EPHB1: variants seen among roughly 807,000 people sequenced by gnomAD.
EPHB1 encodes the protein ephrin type-B receptor 1.
In EPHB1, 30 loss-of-function variants were observed where a neutral mutation model predicts 94.4. The observed-to-expected ratio is 0.32, with a 90% CI of 0.24 to 0.43. EPHB1 has a LOEUF of 0.43. Among genes scored for constraint, EPHB1 ranks in the 20% least tolerant of loss-of-function variants. The pLI, the probability that EPHB1 is intolerant of heterozygous loss-of-function variation, is 1.00. For synonymous variants in EPHB1, 522 were observed against 489.1 expected (o/e 1.07, Z -0.89); for missense variants, 1,055 against 1,308.3 (o/e 0.81, Z 2.99).
intron 3 of EPHB1, among the ~76,000 whole-genome samples, chr3:135,088,018 G>C (rs986090392): frequency 1.3e-5 from 2 of 152,218 alleles, no homozygotes; most frequent in African/African-American, 4.8e-5. Context: ...CTGAGAGCCA[G>C]CATATGACAT....
intron 1 of EPHB1, among the ~76,000 whole-genome samples, chr3:134,818,865 T>C (rs1032243227): frequency 6.6e-6 from 1 of 152,212 alleles, no homozygotes; most frequent in Admixed American, 6.5e-5. Context: ...TTTCAAATAA[T>C]GACTTTTCTC....
chr3:135,225,371 G>A (rs923106742), intron 12 of EPHB1, among the ~76,000 whole-genome samples: 34 of 152,186 alleles, frequency 2.2e-4, no homozygotes, highest in African/African-American at 8.0e-4. Flanking sequence ...ACAGAGCTTA[G>A]GCCCTTCCCT....
At chr3:135,002,793 T>A (rs1261294605) in intron 3 of EPHB1, among the ~76,000 whole-genome samples, 1 of 152,064 alleles carries the variant, frequency 6.6e-6, no homozygotes, top group African/African-American at 2.4e-5. Flanking sequence ...TTCTGTGGGA[T>A]CAGTGGTGAT....
At chr3:135,128,536 T>G (rs1313495839) in intron 4 of EPHB1, among the ~76,000 whole-genome samples, 1 of 152,208 alleles carries the variant, frequency 6.6e-6, no homozygotes, top group Non-Finnish European at 1.5e-5. Flanking sequence ...CATGAGGCCC[T>G]GGCTTGCCAG....
chr3:135,193,888 G>A (rs1471259222), intron 11 of EPHB1, among the ~76,000 whole-genome samples: 1 of 152,182 alleles, frequency 6.6e-6, no homozygotes, highest in Non-Finnish European at 1.5e-5. Flanking sequence ...CTGCAATTTG[G>A]GCCAGGTTTG....
intron 3 of EPHB1, among the ~76,000 whole-genome samples, chr3:135,103,698 C>A (rs1039124979): frequency 5.9e-5 from 9 of 152,182 alleles, no homozygotes; most frequent in African/African-American, 2.2e-4. Context: ...GAATTGAACT[C>A]AGGACTGTCT....
At chr3:135,142,038 G>T (rs988874502) in intron 5 of EPHB1, among the ~76,000 whole-genome samples, 1 of 152,226 alleles carries the variant, frequency 6.6e-6, no homozygotes. Flanking sequence ...CAGAAGACAG[G>T]TTCGATTCTG....
intron 3 of EPHB1, among the ~76,000 whole-genome samples, chr3:135,008,532 A>G (rs562481302): frequency 3.9e-5 from 6 of 152,254 alleles, no homozygotes; most frequent in Admixed American, 3.9e-4. Flanking sequence ...CAGCCAGCAC[A>G]CTCTTTGAAA....
At chr3:135,182,968 C>CTCTTT (rs1553745445) in intron 10 of EPHB1, among the ~76,000 whole-genome samples, 1 of 146,896 alleles carries the variant, frequency 6.8e-6, no homozygotes, top group Admixed American at 6.9e-5. Flanking sequence ...CGTTTCTTTT[C>CTCTTT]TCTTTTCTTT....
intron 3 of EPHB1, among the ~76,000 whole-genome samples, chr3:134,974,118 T>C (rs1934089450): frequency 6.6e-6 from 1 of 152,164 alleles, no homozygotes; most frequent in Non-Finnish European, 1.5e-5. Context: ...CCAGTCACAG[T>C]GGTCTCTGAC....
At position 135,024,565 on chromosome 3, in the gene EPHB1, G is replaced by A. The variant is rs560127899; in HGVS notation, c.805+72513G>A. 9.1e-4 allele frequency among the ~76,000 whole-genome samples: 139 copies of A among 152,204 alleles called. 1 individual carries two copies. Among genetic ancestry groups the A allele is most frequent in the African/African-American group, 3.3e-3 (136 of 41,532 alleles). On this transcript the variant is annotated intron_variant, in intron 3 of 15. Transcript: ENST00000398015. ...TGTCTGGGGGCTCCCTTTTCATCTG[G>A]TCTCCATCCATCCTACACCGGGGGG...
chr3:135,050,520 A>G (rs1031657091), intron 3 of EPHB1, among the ~76,000 whole-genome samples: 7 of 152,092 alleles, frequency 4.6e-5, no homozygotes, highest in African/African-American at 1.7e-4. Flanking sequence ...TTTGATTACC[A>G]GGGCCTGGTT....
rs1491307019 is a variant in EPHB1, at chr3:134,941,744, TGC to T, written c.124-9626_124-9625del. On this transcript the variant is annotated intron_variant, in intron 2 of 15. Transcript: ENST00000398015. ...GAGTTTTGATAGCATGCTTTACATA[TGC>T]ACACAGACACACACACACACACACA... 6.0e-3 allele frequency among the ~76,000 whole-genome samples: 698 copies of T among 116,324 alleles called. 7 individuals carry two copies. The highest frequency in any genetic ancestry group is 1.0e-2 in the Admixed American group (108 of 10,816). 76.3% of individuals were successfully genotyped at this position (116,324 alleles called of 152,430 possible).
At chr3:135,235,344 C>T (rs530578121) in intron 12 of EPHB1, among the ~76,000 whole-genome samples, 137 of 152,282 alleles carry the variant, frequency 9.0e-4, no homozygotes, top group Non-Finnish European at 1.4e-3. Context: ...GTGGGAGAAC[C>T]ACACTGGGAA....
chr3:135,063,152 T>A (rs1034130622), intron 3 of EPHB1, among the ~76,000 whole-genome samples: 1 of 152,232 alleles, frequency 6.6e-6, no homozygotes, highest in African/African-American at 2.4e-5. Flanking sequence ...TTGCTTAGTC[T>A]TGCTTTGGGT....
At chr3:135,227,977 G>A (rs897330360) in intron 12 of EPHB1, among the ~76,000 whole-genome samples, 9 of 151,868 alleles carry the variant, frequency 5.9e-5, no homozygotes, top group African/African-American at 9.7e-5. Context: ...GTGTATTTCC[G>A]TATTTCCTAA....
intron 12 of EPHB1, among the ~76,000 whole-genome samples, chr3:135,223,295 GA>G (rs1195812895): frequency 6.6e-6 from 1 of 152,172 alleles, no homozygotes; most frequent in Non-Finnish European, 1.5e-5. Flanking sequence ...GGGTACTGGG[GA>G]AACCTTGCAG....
intron 3 of EPHB1, among the ~76,000 whole-genome samples, chr3:135,011,695 C>A (rs1241501896): frequency 6.6e-6 from 1 of 152,184 alleles, no homozygotes; most frequent in Non-Finnish European, 1.5e-5. Context: ...ACTTCCCTTA[C>A]AACATGTGGC....
intron 4 of EPHB1, among the ~76,000 whole-genome samples, chr3:135,128,782 G>T (rs1940308339): frequency 6.6e-6 from 1 of 152,184 alleles, no homozygotes; most frequent in African/African-American, 2.4e-5. Flanking sequence ...AGAATGCCGG[G>T]AGTATTAGTT....
Sources: gnomAD v4.1 joint callset for allele counts (sites outside exome capture counted in the v4.1 genomes callset) on GRCh38, gnomAD v4.1.1 for gene constraint, MANE v1.5 for transcripts, NCBI Gene and HGNC (gene_info 2026-07-23, HGNC 2026-07-21) for gene names.